The following MALRD1 variants were observed in gnomAD, a reference collection of about 807,000 sequenced individuals.
MALRD1 encodes the protein MAM and LDL-receptor class A domain-containing protein 1.
Under a neutral mutation model 242.1 loss-of-function variants are expected in MALRD1, and 247 were observed. The ratio of observed to expected loss-of-function variants is 1.02; its 90% CI spans 0.92 to 1.13. The LOEUF (loss-of-function observed/expected upper bound fraction) is 1.13. MALRD1 is among the 50% of genes most tolerant of loss of function. MALRD1 has a pLI of 0.00. For synonymous variants in MALRD1, 995 were observed against 866.6 expected (o/e 1.15, Z -2.60); for missense variants, 2,989 against 2,533.1 (o/e 1.18, Z -3.86).
chr10:19,575,398 A>G (rs1287629721), intron 33 of MALRD1, among the ~76,000 whole-genome samples: 1 of 152,082 alleles, frequency 6.6e-6, no homozygotes, highest in African/African-American at 2.4e-5. Context: ...AGTCTGCTAC[A>G]CATAGTGTCA....
At chr10:19,589,747 T>C (rs1011485259) in intron 33 of MALRD1, among the ~76,000 whole-genome samples, 1 of 152,238 alleles carries the variant, frequency 6.6e-6, no homozygotes, top group Non-Finnish European at 1.5e-5. Context: ...TCATCAACGT[T>C]TCTGAGTGCC....
At chr10:19,307,514 T>C (rs1314242186) in intron 21 of MALRD1, among the ~76,000 whole-genome samples, 3 of 151,566 alleles carry the variant, frequency 2.0e-5, no homozygotes, top group Admixed American at 2.0e-4. Flanking sequence ...GTTTCAGTGA[T>C]ATATAACTCG....
At chr10:19,226,394 T>TA (rs1386571693) in intron 18 of MALRD1, among the ~76,000 whole-genome samples, 2 of 152,168 alleles carry the variant, frequency 1.3e-5, no homozygotes, top group Admixed American at 1.3e-4. Context: ...GTGAAAGCCT[T>TA]AATACTTTCT....
At chr10:19,610,084 T>G (rs1376699859) in intron 35 of MALRD1, among the ~76,000 whole-genome samples, 1 of 151,954 alleles carries the variant, frequency 6.6e-6, no homozygotes, top group Admixed American at 6.6e-5. Flanking sequence ...ATTATTATTT[T>G]TATTTGTTAA....
At chr10:19,337,278 G>C (rs1326591939) in intron 24 of MALRD1, among the ~76,000 whole-genome samples, 6 of 152,116 alleles carry the variant, frequency 3.9e-5, no homozygotes, top group Non-Finnish European at 1.5e-5. Context: ...TCAGTGCTAT[G>C]AGAAAAAGAT....
intron 31 of MALRD1, among the ~76,000 whole-genome samples, chr10:19,522,391 C>T (rs1452156067): frequency 6.6e-6 from 1 of 152,002 alleles, no homozygotes; most frequent in Non-Finnish European, 1.5e-5. Context: ...TTAATGTTTA[C>T]CTGACTAGGA....
chr10:19,083,694 C>G (rs561104307), intron 2 of MALRD1, among the ~76,000 whole-genome samples: 1 of 152,072 alleles, frequency 6.6e-6, no homozygotes, highest in African/African-American at 2.4e-5. Flanking sequence ...CCATTTTACT[C>G]ATTCTTGTGG....
chr10:19,474,877 A>C (rs1488282252), intron 29 of MALRD1, among the ~76,000 whole-genome samples: 1 of 152,166 alleles, frequency 6.6e-6, no homozygotes, highest in Non-Finnish European at 1.5e-5. Flanking sequence ...GGAAATTAAG[A>C]ATCAAGGAGG....
intron 14 of MALRD1, among the ~76,000 whole-genome samples, chr10:19,191,335 C>A (rs1835966587): frequency 6.6e-6 from 1 of 152,050 alleles, no homozygotes; most frequent in African/African-American, 2.4e-5. Flanking sequence ...AAAAACCAAT[C>A]CAGAAGTTAA....
intron 38 of MALRD1, 113 bp from the exon 39 acceptor site, chr10:19,730,593 G>T: frequency 9.4e-7 from 1 of 1,069,294 alleles, no homozygotes; most frequent in Non-Finnish European, 1.4e-6. Flanking sequence ...ATGAAAATAA[G>T]TGTGCTGGCT....
intron 24 of MALRD1, among the ~76,000 whole-genome samples, chr10:19,341,314 TC>T (rs1843840195): frequency 6.6e-6 from 1 of 151,686 alleles, no homozygotes; most frequent in Non-Finnish European, 1.5e-5. Flanking sequence ...TGGCATTTTT[TC>T]TAGTTTCTTG....
At chr10:19,235,414 T>C (rs1838266648) in intron 18 of MALRD1, among the ~76,000 whole-genome samples, 1 of 152,056 alleles carries the variant, frequency 6.6e-6, no homozygotes, top group South Asian at 2.1e-4. Context: ...CATTTGTATG[T>C]GTTCTCTTGA....
intron 20 of MALRD1, among the ~76,000 whole-genome samples, chr10:19,280,607 G>T (rs1840755621): frequency 1.3e-5 from 2 of 152,054 alleles, no homozygotes; most frequent in East Asian, 3.9e-4. Flanking sequence ...TTCAAATTTT[G>T]CCATTGCCAA....
At position 19,171,457 on chromosome 10, in the gene MALRD1, T is replaced by TATATATATACACACAC. The variant is rs1166665866; in HGVS notation, c.1831-3750_1831-3749insTATATATACACACACA. Among the ~76,000 whole-genome samples the TATATATATACACACAC allele has an allele frequency of 2.4e-4, 18 of 74,556 alleles. 1 individual carries two copies. Among genetic ancestry groups the TATATATATACACACAC allele is most frequent in the African/African-American group, 7.5e-4 (18 of 23,896 alleles). 48.9% of individuals were successfully genotyped at this position (74,556 alleles called of 152,430 possible). A position where few individuals can be genotyped will look rare whatever the true frequency, so the allele number is the denominator to read the frequency against. On this transcript the variant is annotated intron_variant, in intron 13 of 39. Transcript: ENST00000454679. ...ATATATATATATATATATATATATA[T>TATATATATACACACAC]ACACACATGTATATACACACACACA...
intron 26 of MALRD1, among the ~76,000 whole-genome samples, chr10:19,368,174 G>T (rs1170618975): frequency 1.3e-5 from 2 of 151,422 alleles, no homozygotes; most frequent in Non-Finnish European, 2.9e-5. Flanking sequence ...TGCTTTTTTG[G>T]TCTTACTCAT....
intron 36 of MALRD1, among the ~76,000 whole-genome samples, chr10:19,617,158 G>C (rs2131613806): frequency 6.6e-6 from 1 of 152,026 alleles, no homozygotes; most frequent in South Asian, 2.1e-4. Context: ...AAAACTCCCA[G>C]AAAGAGCAAG....
At chr10:19,309,632 C>T (rs1842349678) in intron 21 of MALRD1, among the ~76,000 whole-genome samples, 1 of 151,470 alleles carries the variant, frequency 6.6e-6, no homozygotes, top group Admixed American at 6.6e-5. Context: ...GTGTTTAATA[C>T]TGAGAAATGT....
Position 19,183,719 on chromosome 10 carries a change from C to A in MALRD1, c.1951+8391C>A, listed in dbSNP as rs78477815. Among the ~76,000 whole-genome samples, 996 of 152,182 alleles carry A rather than the reference C, an allele frequency of 6.5e-3. 8 individuals carry two copies. The highest frequency in any genetic ancestry group is 0.023 in the African/African-American group (955 of 41,528). On this transcript the variant is annotated intron_variant, in intron 14 of 39. Coordinates refer to ENST00000454679, the MANE Select transcript of MALRD1 (RefSeq NM_001142308.3). ...AAAAATAGCAAACATAAATTGCAAC[C>A]AATTTTGGTAAATGAGAGAACAAGT...
At chr10:19,725,919 A>G (rs1434981135) in intron 38 of MALRD1, among the ~76,000 whole-genome samples, 1 of 152,160 alleles carries the variant, frequency 6.6e-6, no homozygotes, top group Non-Finnish European at 1.5e-5. Flanking sequence ...TGGACCCCCT[A>G]CTTCACACCA....
Sources: allele counts gnomAD v4.1 joint callset (sites outside exome capture counted in the v4.1 genomes callset), GRCh38; gene constraint gnomAD v4.1.1; transcripts MANE v1.5; gene names NCBI Gene and HGNC (gene_info 2026-07-23, HGNC 2026-07-21).